WDFY3: variants seen among roughly 807,000 people sequenced by gnomAD.
The protein encoded by WDFY3 is WD repeat and FYVE domain containing 3.
A neutral mutation model predicts 409.6 loss-of-function variants in WDFY3; 66 were observed. That is an observed-to-expected ratio of 0.16 (90% CI 0.13 to 0.20). The LOEUF (loss-of-function observed/expected upper bound fraction) is 0.20. Among genes scored for constraint, WDFY3 ranks in the 10% least tolerant of loss-of-function variants. WDFY3 has a pLI of 1.00. For synonymous variants in WDFY3, 1,521 were observed against 1,537.1 expected, an observed-to-expected ratio of 0.99 and a Z score of 0.25; for missense variants, 3,031 against 4,298.1, an observed-to-expected ratio of 0.71 and a Z score of 8.24.
chr4:84,736,124 A>C, intron 42 of WDFY3, 46 bp downstream of exon 42: 2 of 1,566,140 alleles, frequency 1.3e-6, no homozygotes, highest in Non-Finnish European at 1.7e-6. Flanking sequence ...TAAGTATATT[A>C]TACAAAATAC....
At chr4:84,949,197 C>T (rs1579255912) in intron 1 of WDFY3, among the ~76,000 whole-genome samples, 1 of 152,040 alleles carries the variant, frequency 6.6e-6, no homozygotes, top group African/African-American at 2.4e-5. Context: ...TACAACAAAG[C>T]TCTATCAAAT....
Position 84,740,262 on chromosome 4 carries a change from A to G in WDFY3, c.6389T>C (p.Ile2130Thr). The change falls in exon 39 of 68, where the codon ATC becomes ACC. Residue 2130 changes from isoleucine to threonine, a missense_variant. Ile to Thr is a moderately conservative substitution (Grantham distance 89). Coordinates refer to ENST00000295888, the MANE Select transcript of WDFY3 (RefSeq NM_014991.6). ...LRVLTVNRNL[I>T]LGPGNHDQEF... ...TTGGTCATGGTTCCCAGGTCCCAGGATCAAGTTTCTGTTTACAGTGAGGAC... is the reference window on the plus strand; with the variant it reads ...TTGGTCATGGTTCCCAGGTCCCAGGGTCAAGTTTCTGTTTACAGTGAGGAC... 3 of 1,614,052 alleles carry G rather than the reference A, an allele frequency of 1.9e-6. No homozygotes were observed. The highest frequency in any genetic ancestry group is 2.5e-6 in the Non-Finnish European group (3 of 1,179,984).
Position 84,780,194 on chromosome 4 carries a change from A to G in WDFY3, c.4279T>C (p.Leu1427=). ...LVAMASDVEG[L]YAAVKALVCV... Reference sequence around the variant, plus strand: ...ACCAGGGCCTTGACTGCTGCATATAACCCTTCCACATCAGAGGCCATGGCC... The same window carrying G: ...ACCAGGGCCTTGACTGCTGCATATAGCCCTTCCACATCAGAGGCCATGGCC... The change falls in exon 26 of 68, where the codon TTA becomes CTA. Residue 1427 remains leucine, a synonymous_variant. Coordinates refer to ENST00000295888, the MANE Select transcript of WDFY3 (RefSeq NM_014991.6). 1 of 1,613,734 alleles carries G rather than the reference A, an allele frequency of 6.2e-7. No individual in the cohort carries two copies. The highest frequency in any genetic ancestry group is 8.5e-7 in the Non-Finnish European group (1 of 1,179,866).
chr4:84,849,734 A>G (rs1374116308), intron 5 of WDFY3, 168 bp downstream of exon 5: 1 of 885,394 alleles, frequency 1.1e-6, no homozygotes, highest in Admixed American at 3.3e-5. Context: ...AGAGTTGAAG[A>G]TGCTGAAACC....
intron 10 of WDFY3, 24 bp from the exon 11 acceptor site, chr4:84,821,575 A>G (rs1754065292): frequency 1.9e-6 from 3 of 1,576,160 alleles, no homozygotes; most frequent in Non-Finnish European, 1.7e-6. Flanking sequence ...GAAAAACATA[A>G]AAGTAGGTAC....
At chr4:84,744,448 G>T (rs1738997450) in intron 36 of WDFY3, among the ~76,000 whole-genome samples, 1 of 152,030 alleles carries the variant, frequency 6.6e-6, no homozygotes, top group Non-Finnish European at 1.5e-5. Flanking sequence ...TCTATAAAAA[G>T]AAACACATAG....
At chr4:84,760,855 ATG>A (rs1454171196) in intron 32 of WDFY3, among the ~76,000 whole-genome samples, 2 of 143,250 alleles carry the variant, frequency 1.4e-5, no homozygotes, top group South Asian at 2.4e-4. Flanking sequence ...TAGCTTTTGA[ATG>A]TGTTTGCTCT....
At chr4:84,682,640 A>G in intron 63 of WDFY3, 170 bp from the exon 64 acceptor site, 2 of 613,444 alleles carry the variant, frequency 3.3e-6, no homozygotes, top group Non-Finnish European at 5.8e-6. Context: ...CTGCCTGCAC[A>G]CAATGGCTGT....
At chr4:84,702,645 T>G (rs1035126744) in intron 55 of WDFY3, 139 bp from the exon 56 acceptor site, 1 of 668,364 alleles carries the variant, frequency 1.5e-6, no homozygotes, top group Non-Finnish European at 2.3e-6. Context: ...TACGCACAAA[T>G]TTTTAATAAA....
chr4:84,837,449 A>G (rs1213842739), intron 6 of WDFY3, among the ~76,000 whole-genome samples: 1 of 152,204 alleles, frequency 6.6e-6, no homozygotes, highest in Non-Finnish European at 1.5e-5. Context: ...TTCTTATAAA[A>G]ATAGATAGAA....
At chr4:84,825,738 T>C (rs1578696083) in intron 10 of WDFY3, among the ~76,000 whole-genome samples, 1 of 152,116 alleles carries the variant, frequency 6.6e-6, no homozygotes, top group Admixed American at 6.5e-5. Flanking sequence ...ACAAATTTAA[T>C]ACATAACATA....
At position 84,875,197 on chromosome 4, in the gene WDFY3, G is replaced by A. The variant is rs1762607957; in HGVS notation, c.-31-14575C>T. Among the ~76,000 whole-genome samples, 3 of 151,608 alleles carry A rather than the reference G, an allele frequency of 2.0e-5. No homozygotes were observed. In the South Asian group the frequency reaches 6.2e-4, roughly 32 times the overall value. On this transcript the variant is annotated intron_variant, in intron 3 of 67. Transcript: ENST00000295888. Reference sequence around the variant, plus strand: ...GCAGGAGAATCGCTTGAACCCAGGAGGTGGAAGTTGCAGTTAGCCGAGATC... The same window carrying A: ...GCAGGAGAATCGCTTGAACCCAGGAAGTGGAAGTTGCAGTTAGCCGAGATC...
intron 2 of WDFY3, among the ~76,000 whole-genome samples, chr4:84,902,747 G>A (rs1337192230): frequency 2.0e-5 from 3 of 152,108 alleles, no homozygotes; most frequent in Admixed American, 1.3e-4. Flanking sequence ...ACTCACTTTC[G>A]ACAAGTAAAA....
At chr4:84,839,933 G>A (rs151286173) in intron 6 of WDFY3, among the ~76,000 whole-genome samples, 1 of 152,060 alleles carries the variant, frequency 6.6e-6, no homozygotes. Context: ...ATCATTCCGA[G>A]GACAAAATTC....
intron 51 of WDFY3, among the ~76,000 whole-genome samples, chr4:84,712,932 T>A (rs1733184139): frequency 1.3e-5 from 2 of 152,176 alleles, no homozygotes. Flanking sequence ...ACAGCAATAC[T>A]CATGCTTTAA....
At chr4:84,807,333 T>G (rs1751683758) in intron 15 of WDFY3, among the ~76,000 whole-genome samples, 2 of 152,212 alleles carry the variant, frequency 1.3e-5, no homozygotes. Context: ...CATAGTTTGT[T>G]GTGCAAAGTA....
intron 25 of WDFY3, among the ~76,000 whole-genome samples, chr4:84,781,959 C>T (rs1214039295): frequency 6.6e-6 from 1 of 152,130 alleles, no homozygotes; most frequent in African/African-American, 2.4e-5. Flanking sequence ...ACAACACTAA[C>T]TTTTTATTAA....
intron 5 of WDFY3, among the ~76,000 whole-genome samples, chr4:84,844,067 A>G (rs1398647897): frequency 6.6e-6 from 1 of 152,194 alleles, no homozygotes; most frequent in African/African-American, 2.4e-5. Flanking sequence ...AAATGAAGTT[A>G]ATAAAGCCCA....
In WDFY3 at chr4:84,860,258, T is replaced by C. The variant is rs115895664; in HGVS notation, c.180+154A>G. 1.5e-3 allele frequency among the ~76,000 whole-genome samples: 233 copies of C among 152,316 alleles called. 2 individuals are homozygous for C. The highest frequency in any genetic ancestry group is 5.3e-3 in the African/African-American group (222 of 41,570). On this transcript the variant is annotated intron_variant, in intron 4 of 67. Coordinates refer to ENST00000295888, the MANE Select transcript of WDFY3 (RefSeq NM_014991.6). ...CAGGTTTCACATCAAGTCACACTGCTTTATAGCAAATTGAAAACATGAAAC... is the reference window on the plus strand; with the variant it reads ...CAGGTTTCACATCAAGTCACACTGCCTTATAGCAAATTGAAAACATGAAAC...
Sources: gnomAD v4.1 joint callset for allele counts (sites outside exome capture counted in the v4.1 genomes callset) on GRCh38, gnomAD v4.1.1 for gene constraint, MANE v1.5 for transcripts, NCBI Gene and HGNC (gene_info 2026-07-23, HGNC 2026-07-21) for gene names.